The following OR51E2 variants were observed in gnomAD, a reference collection of about 807,000 sequenced individuals.
OR51E2 encodes olfactory receptor family 51 subfamily E member 2, also known as olfactory receptor 51E2.
A neutral mutation model predicts 13.7 loss-of-function variants in OR51E2; 14 were observed. The ratio of observed to expected loss-of-function variants is 1.02; its 90% CI spans 0.68 to 1.60. The LOEUF (loss-of-function observed/expected upper bound fraction) is 1.60. OR51E2 is among the 40% of genes most tolerant of loss of function. The pLI is 0.00. For synonymous variants in OR51E2, 180 were observed against 157.6 expected, an observed-to-expected ratio of 1.14 and a Z score of -1.07; for missense variants, 483 against 413.8, an observed-to-expected ratio of 1.17 and a Z score of -1.45.
chr11:4,682,705 A>T lies in OR51E2; in HGVS notation c.7T>A (p.Ser3Thr). 6.2e-7 allele frequency: 1 copy of T among 1,612,998 alleles called. No individual in the cohort carries two copies. The highest frequency in any genetic ancestry group is 8.5e-7 in the Non-Finnish European group (1 of 1,179,208). ...AAGGTGGCATGTGTGAAGTTGCAGG[A>T]ACTCATAGCTGGAACTGAGGAGGGG... MSSCNFTHATFVL... is the reference protein window; with the variant it reads MSTCNFTHATFVL... The change falls in exon 2 of 2, where the codon TCC becomes ACC. Residue 3 changes from serine (S) to threonine (T), a missense_variant. Coordinates refer to ENST00000396950, the MANE Select transcript of OR51E2 (RefSeq NM_030774.4).
chr11:4,682,077 A>T lies in OR51E2; in HGVS notation c.635T>A (p.Phe212Tyr). The change falls in exon 2 of 2, where the codon TTC becomes TAC. Residue 212 changes from phenylalanine (F) to tyrosine (Y), a missense_variant. Transcript: ENST00000396950. ...TATCAGAAAATAGGACAAGGAGATG[A>T]ACATTACGTCCACGCCCATGACCAG... Reference protein sequence around the residue: ...ILLVMGVDVMFISLSYFLIIR... With the variant: ...ILLVMGVDVMYISLSYFLIIR... 1 of 1,614,232 alleles carries T rather than the reference A, an allele frequency of 6.2e-7. No individual in the cohort carries two copies. Among genetic ancestry groups the T allele is most frequent in the Non-Finnish European group, 8.5e-7 (1 of 1,180,046 alleles).
Position 4,681,792 on chromosome 11 carries a change from T to C in OR51E2, c.920A>G (p.Lys307Arg). Residue 307 changes from lysine to arginine, a missense_variant, in exon 2 of 2, where the codon AAG becomes AGG. Physicochemically the swap from Lys to Arg is conservative, Grantham distance 26 (BLOSUM62 2). Transcript: ENST00000396950. ...CTGCAAGTCCTTGTCACAGCTGATC[T>C]TGAACATAGCCAGCACCCGTGTTCT... ...QIRTRVLAMF[K>R]ISCDKDLQAV... 1 of 1,614,226 alleles carries C rather than the reference T, an allele frequency of 6.2e-7. No homozygotes were observed.
Position 4,682,005 on chromosome 11 carries a change from G to T in OR51E2, c.707C>A (p.Ala236Asp), listed in dbSNP as rs374978620. The T allele has an allele frequency of 2.3e-5, 37 of 1,614,228 alleles. No individual in the cohort carries two copies. The highest frequency in any genetic ancestry group is 1.6e-4 in the East Asian group (7 of 44,886). Residue 236 changes from alanine (A) to aspartate (D), a missense_variant, in exon 2 of 2, where the codon GCC (alanine) becomes GAC (aspartate). Physicochemically the swap from Ala to Asp is moderately radical, Grantham distance 126 (BLOSUM62 -2). Transcript: ENST00000396950. ...AATGTGTGACACACAGGTTCCAAAG[G>T]CCTTGGCCCGCTCTGACTTGGAAGG... ...QLPSKSERAKAFGTCVSHIGV... is the reference protein window; with the variant it reads ...QLPSKSERAKDFGTCVSHIGV...
At chr11:4,686,247 A>C (rs1847514443) in intron 1 of OR51E2, among the ~76,000 whole-genome samples, 1 of 152,192 alleles carries the variant, frequency 6.6e-6, no homozygotes, top group South Asian at 2.1e-4. Flanking sequence ...GAACTTGAGA[A>C]GGGTATTTAT....
At chr11:4,694,006 A>T (rs903881492) in intron 1 of OR51E2, among the ~76,000 whole-genome samples, 13 of 152,194 alleles carry the variant, frequency 8.5e-5, no homozygotes, top group Admixed American at 7.2e-4. Context: ...ATGTCAATTA[A>T]TTCTGGCTTT....
intron 1 of OR51E2, among the ~76,000 whole-genome samples, chr11:4,692,451 C>T (rs1847594227): frequency 6.6e-6 from 1 of 152,338 alleles, no homozygotes; most frequent in South Asian, 2.1e-4. Flanking sequence ...AAGACTAGTT[C>T]TCCAGAACAG....
chr11:4,687,451 G>A (rs1029607503), intron 1 of OR51E2, among the ~76,000 whole-genome samples: 16 of 152,088 alleles, frequency 1.1e-4, no homozygotes, highest in African/African-American at 3.6e-4. Flanking sequence ...AGGAGCAAAC[G>A]TTTTATACTA....
intron 1 of OR51E2, chr11:4,691,393 A>C (rs1268213870): frequency 4.4e-6 from 2 of 457,950 alleles, no homozygotes; most frequent in Non-Finnish European, 8.8e-6. Context: ...TTAATAAAGA[A>C]CATGTGGGAC....
chr11:4,692,414 A>G (rs1249651918), intron 1 of OR51E2, among the ~76,000 whole-genome samples: 2 of 152,370 alleles, frequency 1.3e-5, no homozygotes, highest in South Asian at 2.1e-4. Flanking sequence ...GCCACGTTCC[A>G]ACACAGTTCT....
chr11:4,687,699 C>T (rs977210), intron 1 of OR51E2, among the ~76,000 whole-genome samples: 76,321 of 151,880 alleles, frequency 0.5, 19,606 homozygotes, highest in South Asian at 0.55. Flanking sequence ...TGCCTGGCCC[C>T]GAGAAGTGAG....
In OR51E2 at chr11:4,682,373, G is replaced by C. The variant is rs201467711; in HGVS notation, c.339C>G (p.Ile113Met). Reference sequence around the variant, plus strand: ...AACGGTCAAAGGCCATGGCCAGCAGGATGGTGGATTCAATGGCTGAGAGGG... The same window carrying C: ...AACGGTCAAAGGCCATGGCCAGCAGCATGGTGGATTCAATGGCTGAGAGGG... Reference protein sequence around the residue: ...IHALSAIESTILLAMAFDRYV... With the variant: ...IHALSAIESTMLLAMAFDRYV... The change falls in exon 2 of 2, where the codon ATC becomes ATG. Residue 113 changes from isoleucine (I) to methionine (M), a missense_variant. Ile to Met is a conservative substitution (Grantham distance 10, BLOSUM62 1). Coordinates refer to ENST00000396950, the MANE Select transcript of OR51E2 (RefSeq NM_030774.4). 5 of 1,614,222 alleles carry C rather than the reference G, an allele frequency of 3.1e-6. No homozygotes were observed. Among genetic ancestry groups the C allele is most frequent in the East Asian group, 4.5e-5 (2 of 44,874 alleles).
chr11:4,691,524 G>T (rs907466216), intron 1 of OR51E2: 2 of 456,842 alleles, frequency 4.4e-6, no homozygotes, highest in African/African-American at 4.0e-5. Flanking sequence ...ATAGTACATT[G>T]GTTCGTGGAG....
At chr11:4,694,745 A>C (rs1415840179) in intron 1 of OR51E2, among the ~76,000 whole-genome samples, 1 of 152,128 alleles carries the variant, frequency 6.6e-6, no homozygotes, top group Non-Finnish European at 1.5e-5. Context: ...CTAGTTGTAG[A>C]GTGTATAAGG....
chr11:4,682,712 A>G lies in OR51E2; in HGVS notation c.-1T>C. ...CATGTGTGAAGTTGCAGGAACTCATAGCTGGAACTGAGGAGGGGTGACTGG... is the reference window on the plus strand; with the variant it reads ...CATGTGTGAAGTTGCAGGAACTCATGGCTGGAACTGAGGAGGGGTGACTGG... On this transcript the variant is annotated 5_prime_UTR_variant, in exon 2 of 2. Coordinates refer to ENST00000396950, the MANE Select transcript of OR51E2 (RefSeq NM_030774.4). 1 of 1,612,044 alleles carries G rather than the reference A, an allele frequency of 6.2e-7. No homozygotes were observed. The highest frequency in any genetic ancestry group is 8.5e-7 in the Non-Finnish European group (1 of 1,178,612).
At chr11:4,690,756 T>C (rs11033350) in intron 1 of OR51E2, 102,893 of 395,208 alleles carry the variant, frequency 0.26, 14,245 homozygotes, top group Non-Finnish European at 0.29. Context: ...AATTCTACAA[T>C]TTTATGTTTC....
intron 1 of OR51E2, among the ~76,000 whole-genome samples, chr11:4,692,627 CGGG>C (rs1265819402): frequency 6.6e-6 from 1 of 151,842 alleles, no homozygotes; most frequent in Non-Finnish European, 1.5e-5. Flanking sequence ...GAGTTGAAGA[CGGG>C]GGTCTAGGGA....
intron 1 of OR51E2, chr11:4,691,267 T>A (rs932381118): frequency 2.2e-6 from 1 of 457,088 alleles, no homozygotes; most frequent in African/African-American, 2.0e-5. Context: ...GCCACTCCAA[T>A]TTGAGCTATT....
At chr11:4,696,947 A>G (rs2133255131) in intron 1 of OR51E2, among the ~76,000 whole-genome samples, 1 of 152,338 alleles carries the variant, frequency 6.6e-6, no homozygotes, top group East Asian at 1.9e-4. Context: ...CATCTACACC[A>G]TTAATAAAAA....
At chr11:4,693,066 T>C (rs1045151511) in intron 1 of OR51E2, among the ~76,000 whole-genome samples, 23 of 152,166 alleles carry the variant, frequency 1.5e-4, no homozygotes, top group Non-Finnish European at 7.3e-5. Context: ...ATAGTTAATG[T>C]ATAGTATATT....
Sources: gnomAD v4.1 joint callset for allele counts (sites outside exome capture counted in the v4.1 genomes callset) on GRCh38, gnomAD v4.1.1 for gene constraint, MANE v1.5 for transcripts, NCBI Gene and HGNC (gene_info 2026-07-23, HGNC 2026-07-21) for gene names.